The following ADAMTS9 variants were observed in gnomAD, a reference collection of about 807,000 sequenced individuals.
The protein encoded by ADAMTS9 is ADAM metallopeptidase with thrombospondin type 1 motif 9.
In ADAMTS9, 107 loss-of-function variants were observed where a neutral mutation model predicts 257.1. The observed-to-expected ratio is 0.42, with a 90% confidence interval of 0.36 to 0.49. The LOEUF is 0.49. Among genes scored for constraint, ADAMTS9 ranks in the 20% least tolerant of loss-of-function variants. The pLI is 0.03. For synonymous variants in ADAMTS9, 982 were observed against 880.9 expected (o/e 1.11, Z -2.03); for missense variants, 2,353 against 2,469.1 (o/e 0.95, Z 1.00).
chr3:64,561,081 A>T (rs374559479), intron 30 of ADAMTS9, among the ~76,000 whole-genome samples: 3,096 of 113,824 alleles, frequency 0.027, 117 homozygotes, highest in African/African-American at 0.11. Flanking sequence ...TTTTTTTTTT[A>T]AATGTTAGAA....
intron 18 of ADAMTS9, among the ~76,000 whole-genome samples, chr3:64,621,589 C>G (rs115296969): frequency 6.6e-6 from 1 of 151,826 alleles, no homozygotes; most frequent in African/African-American, 2.4e-5. Context: ...TGGTGAAACC[C>G]GTTCTCTACC....
chr3:64,670,492 A>G (rs760455882), intron 3 of ADAMTS9, among the ~76,000 whole-genome samples: 1 of 152,254 alleles, frequency 6.6e-6, no homozygotes, highest in Non-Finnish European at 1.5e-5. Flanking sequence ...CTGGGACTGC[A>G]TGAAATCTAC....
chr3:64,607,595 A>G (rs2084582510), intron 22 of ADAMTS9, among the ~76,000 whole-genome samples: 1 of 152,214 alleles, frequency 6.6e-6, no homozygotes, highest in African/African-American at 2.4e-5. Context: ...ACTAAAAGGC[A>G]AAATGTTAGA....
In ADAMTS9 at chr3:64,622,251, T is replaced by G. The variant is rs750936004; in HGVS notation, c.2633A>C (p.Gln878Pro). 35 of 1,614,044 alleles carry G rather than the reference T, an allele frequency of 2.2e-5. No individual in the cohort carries two copies. The East Asian group carries it at 7.6e-4, about 35-fold the overall frequency. ...FNIPIEDKPQ[Q>P]FYWNSHGPWQ... Reference sequence around the variant, plus strand: ...TGGCCCATGACTGTTCCAGTAAAACTGCTGAGGTTTATCTTCAATTGGAAT... The same window carrying G: ...TGGCCCATGACTGTTCCAGTAAAACGGCTGAGGTTTATCTTCAATTGGAAT... The change falls in exon 18 of 40, where the codon CAG (glutamine) becomes CCG (proline). Residue 878 changes from glutamine to proline, a missense_variant. Physicochemically the swap from Gln to Pro is moderately conservative, Grantham distance 76 (BLOSUM62 -1). Coordinates refer to ENST00000498707, the MANE Select transcript of ADAMTS9 (RefSeq NM_182920.2).
At chr3:64,648,878 A>G (rs80086247) in intron 10 of ADAMTS9, among the ~76,000 whole-genome samples, 2 of 152,178 alleles carry the variant, frequency 1.3e-5, no homozygotes, top group African/African-American at 2.4e-5. Context: ...TGAATAACAC[A>G]AAAACAAATA....
chr3:64,543,881 C>G (rs2083161469), intron 32 of ADAMTS9, among the ~76,000 whole-genome samples: 4 of 152,210 alleles, frequency 2.6e-5, no homozygotes, highest in African/African-American at 7.2e-5. Flanking sequence ...ATCGTCTCAG[C>G]CCAAAATCTC....
intron 28 of ADAMTS9, chr3:64,568,975 A>C: frequency 6.2e-6 from 1 of 160,434 alleles, no homozygotes; most frequent in Non-Finnish European, 1.4e-5. Flanking sequence ...TAAGAATAAA[A>C]CTCTTGAACC....
intron 25 of ADAMTS9, among the ~76,000 whole-genome samples, chr3:64,602,765 C>T (rs2084488817): frequency 6.6e-6 from 1 of 152,210 alleles, no homozygotes; most frequent in Admixed American, 6.5e-5. Flanking sequence ...CACATCCCAT[C>T]TTTCTCTATT....
intron 30 of ADAMTS9, among the ~76,000 whole-genome samples, chr3:64,557,083 G>C (rs545459896): frequency 1.3e-5 from 2 of 152,310 alleles, no homozygotes; most frequent in South Asian, 4.1e-4. Context: ...ATCTGACTCA[G>C]ATTTAGTGGG....
At chr3:64,606,405 G>A (rs2084556919) in intron 23 of ADAMTS9, among the ~76,000 whole-genome samples, 5 of 152,154 alleles carry the variant, frequency 3.3e-5, no homozygotes, top group Admixed American at 3.3e-4. Context: ...GAGATAGGTG[G>A]CAGCACACCC....
chr3:64,666,505 A>T (rs1344904035), intron 3 of ADAMTS9, among the ~76,000 whole-genome samples: 2 of 152,180 alleles, frequency 1.3e-5, no homozygotes, highest in Non-Finnish European at 2.9e-5. Context: ...CTGCACAGGA[A>T]TCATCTGTGG....
At chr3:64,668,004 T>C (rs1176503310) in intron 3 of ADAMTS9, among the ~76,000 whole-genome samples, 1 of 152,196 alleles carries the variant, frequency 6.6e-6, no homozygotes, top group Non-Finnish European at 1.5e-5. Context: ...TCCTGCAAAG[T>C]ACCCTTTAGG....
At position 64,655,595 on chromosome 3, in the gene ADAMTS9, T is replaced by A. The variant is rs1701048539; in HGVS notation, c.1150A>T (p.Thr384Ser). Residue 384 changes from threonine (T) to serine (S), a missense_variant, in exon 6 of 40, where the codon ACT becomes TCT. This residue lies in a region of ADAMTS9 where 591 missense variants were observed against 569.6 expected (regional missense o/e 1.04). Transcript: ENST00000498707. Reference protein sequence around the residue: ...KNSPGGIHHDTAVLLTRQDIC... With the variant: ...KNSPGGIHHDSAVLLTRQDIC... ...ATATACCTTGTTAAGAGAACAGCAG[T>A]ATCATGATGGATTCCACCTGGACTG... is the stretch of plus-strand genomic sequence containing the variant. 6.2e-6 allele frequency: 10 copies of A among 1,613,498 alleles called. No individual in the cohort carries two copies. The highest frequency in any genetic ancestry group is 8.5e-6 in the Non-Finnish European group (10 of 1,179,550).
At chr3:64,641,049 A>T (rs1700623630) in intron 12 of ADAMTS9, among the ~76,000 whole-genome samples, 1 of 152,184 alleles carries the variant, frequency 6.6e-6, no homozygotes, top group Admixed American at 6.5e-5. Context: ...TAGATTGATT[A>T]AAAAAGTAAT....
chr3:64,533,332 G>T, intron 37 of ADAMTS9, 62 bp from the exon 38 acceptor site: 1 of 1,297,560 alleles, frequency 7.7e-7, no homozygotes, highest in Non-Finnish European at 1.1e-6. Flanking sequence ...AAAAGCAAAG[G>T]CAAAGGTGAT....
chr3:64,613,844 T>C (rs1196074320), intron 21 of ADAMTS9, among the ~76,000 whole-genome samples: 1 of 152,182 alleles, frequency 6.6e-6, no homozygotes, highest in Admixed American at 6.5e-5. Context: ...TTAACACTTA[T>C]ATAACCAGTC....
Position 64,613,446 on chromosome 3 carries a change from G to T in ADAMTS9, c.3253C>A (p.Arg1085=). 2 of 1,613,936 alleles carry T rather than the reference G, an allele frequency of 1.2e-6. No individual in the cohort carries two copies. The highest frequency in any genetic ancestry group is 1.7e-6 in the Non-Finnish European group (2 of 1,179,898). Residue 1085 remains arginine (R), a synonymous_variant, in exon 22 of 40, where the codon CGA becomes AGA. Coordinates refer to ENST00000498707, the MANE Select transcript of ADAMTS9 (RefSeq NM_182920.2). ...GGGTCACACATTCTATCATTTAATC[G>T]ATCTTCACCAAACTGACACCAGACC... ...RQVWCQFGED[R]LNDRMCDPET...
At chr3:64,647,898 T>C in intron 11 of ADAMTS9, 42 bp downstream of exon 11, 2 of 1,567,466 alleles carry the variant, frequency 1.3e-6, no homozygotes, top group Admixed American at 1.8e-5. Context: ...ATCTTGCACA[T>C]TTCTGCCCTA....
chr3:64,621,631 A>G (rs1484793195), intron 18 of ADAMTS9, among the ~76,000 whole-genome samples: 2 of 151,946 alleles, frequency 1.3e-5, no homozygotes, highest in Non-Finnish European at 2.9e-5. Context: ...GCATGGTGGC[A>G]TGCACCTGTG....
Sources: gnomAD v4.1 joint callset for allele counts (sites outside exome capture counted in the v4.1 genomes callset) on GRCh38, gnomAD v4.1.1 for gene constraint, gnomAD v4.1.1 regional missense constraint, MANE v1.5 for transcripts, NCBI Gene and HGNC (gene_info 2026-07-23, HGNC 2026-07-21) for gene names.